LARGE1: variants seen among roughly 807,000 people sequenced by gnomAD.
LARGE1 encodes the protein LARGE xylosyl- and glucuronyltransferase 1, also known as xylosyl- and glucuronyltransferase LARGE1.
Under a neutral mutation model 87.6 loss-of-function variants are expected in LARGE1, and 43 were observed. The ratio of observed to expected loss-of-function variants is 0.49; its 90% CI spans 0.38 to 0.63. LARGE1 has a LOEUF of 0.63. LARGE1 is among the 30% of genes least tolerant of loss of function. The probability of loss-of-function intolerance (pLI) is 0.00; values close to 1 mark genes in which losing one functional copy is unlikely to be tolerated. For missense variants in LARGE1, 802 were observed against 1,000.2 expected, an observed-to-expected ratio of 0.80 and a Z score of 2.67; for synonymous variants, 434 against 394.6, an observed-to-expected ratio of 1.10 and a Z score of -1.18.
At chr22:33,857,831 T>C (rs143596932) in intron 1 of LARGE1, among the ~76,000 whole-genome samples, 12 of 152,320 alleles carry the variant, frequency 7.9e-5, no homozygotes, top group Non-Finnish European at 1.2e-4. Context: ...GAAGACAGTG[T>C]GGCGATTCCT....
At chr22:33,400,090 G>C (rs2065885573) in intron 7 of LARGE1, among the ~76,000 whole-genome samples, 1 of 152,196 alleles carries the variant, frequency 6.6e-6, no homozygotes. Flanking sequence ...AAGTCCCTTA[G>C]AGGTCCTGCT....
chr22:33,112,927 G>T, the LARGE1 span, among the ~76,000 whole-genome samples: 1 of 152,122 alleles, frequency 6.6e-6, no homozygotes, highest in African/African-American at 2.4e-5. Context: ...TGTCAGGAGG[G>T]CAGGTGTTAA....
chr22:33,733,272 C>T (rs1298736919), intron 2 of LARGE1: 1 of 152,194 alleles, frequency 6.6e-6, no homozygotes, highest in Non-Finnish European at 1.5e-5. Flanking sequence ...TAATTTAATT[C>T]CTGGTCCTGG....
intron 1 of LARGE1, among the ~76,000 whole-genome samples, chr22:33,846,883 C>T (rs2063448615): frequency 1.3e-5 from 2 of 152,128 alleles, no homozygotes. Flanking sequence ...GACAATGGTG[C>T]CCGAAACTTC....
intron 4 of LARGE1, among the ~76,000 whole-genome samples, chr22:33,606,705 A>T (rs1277956303): frequency 6.6e-6 from 1 of 152,246 alleles, no homozygotes; most frequent in South Asian, 2.1e-4. Context: ...TCAGGGGATG[A>T]GCTGGATGCT....
intron 11 of LARGE1, among the ~76,000 whole-genome samples, chr22:33,206,998 A>G (rs16991966): frequency 0.22 from 33,518 of 152,076 alleles, 4,094 homozygotes; most frequent in Middle Eastern, 0.34. Flanking sequence ...CTTGCATACT[A>G]GGAAGCAGGC....
At chr22:33,100,828 G>A in the LARGE1 span, among the ~76,000 whole-genome samples, 40 of 150,634 alleles carry the variant, frequency 2.7e-4, no homozygotes, top group African/African-American at 9.8e-4. Flanking sequence ...GGGAGCTTCT[G>A]CATTAACTTC....
At chr22:33,466,826 G>A (rs2068638353) in intron 6 of LARGE1, among the ~76,000 whole-genome samples, 1 of 151,996 alleles carries the variant, frequency 6.6e-6, no homozygotes. Flanking sequence ...ATCCCCCAAG[G>A]TCAGGAGTTC....
chr22:33,519,235 C>CGCGCGCGTGT (rs112192440), intron 6 of LARGE1, among the ~76,000 whole-genome samples: 167 of 149,644 alleles, frequency 1.1e-3, no homozygotes, highest in African/African-American at 4.0e-3. Context: ...CGTGCGCGCG[C>CGCGCGCGTGT]GTGTGTGTGT....
chr22:33,356,095 T>C (rs909841632), intron 9 of LARGE1, among the ~76,000 whole-genome samples: 33 of 152,188 alleles, frequency 2.2e-4, no homozygotes, highest in Non-Finnish European at 7.3e-5. Context: ...TGTTTGGACA[T>C]ACACTCTGGA....
intron 11 of LARGE1, among the ~76,000 whole-genome samples, chr22:33,315,693 G>A (rs1189955704): frequency 2.0e-5 from 3 of 151,868 alleles, no homozygotes; most frequent in Non-Finnish European, 2.9e-5. Context: ...GCAGTGTCAC[G>A]ATCTTGGCTC....
At chr22:33,250,215 T>C (rs190384293) in intron 11 of LARGE1, among the ~76,000 whole-genome samples, 72 of 152,336 alleles carry the variant, frequency 4.7e-4, no homozygotes, top group African/African-American at 1.7e-3. Flanking sequence ...CATTATAGTT[T>C]CCCTTATATA....
the LARGE1 span, among the ~76,000 whole-genome samples, chr22:33,072,995 C>T: frequency 4.6e-5 from 7 of 152,126 alleles, no homozygotes; most frequent in African/African-American, 1.2e-4. Flanking sequence ...GTTTTTCCTG[C>T]GGCCGTCTCG....
chr22:33,674,006 G>A (rs9621752), intron 2 of LARGE1, among the ~76,000 whole-genome samples: 77,255 of 150,086 alleles, frequency 0.51, 20,504 homozygotes, highest in African/African-American at 0.62. Context: ...ATGGGGTTTT[G>A]CCATGTTGGC....
At chr22:33,848,897 C>T (rs183782603) in intron 1 of LARGE1, among the ~76,000 whole-genome samples, 1 of 152,060 alleles carries the variant, frequency 6.6e-6, no homozygotes, top group African/African-American at 2.4e-5. Flanking sequence ...TTTAAAGAAT[C>T]GAAAAGGCTA....
intron 1 of LARGE1, among the ~76,000 whole-genome samples, chr22:33,848,273 G>A (rs931568223): frequency 1.3e-5 from 2 of 152,198 alleles, no homozygotes; most frequent in African/African-American, 4.8e-5. Flanking sequence ...CTCAGCCACT[G>A]CAACAGTCTT....
chr22:33,097,793 G>C, the LARGE1 span, among the ~76,000 whole-genome samples: 15 of 152,278 alleles, frequency 9.9e-5, no homozygotes, highest in African/African-American at 3.4e-4. Context: ...AAAATAACGG[G>C]TATAATATCA....
chr22:33,449,391 G>C (rs1055493753), intron 6 of LARGE1, among the ~76,000 whole-genome samples: 4 of 152,210 alleles, frequency 2.6e-5, no homozygotes, highest in African/African-American at 9.6e-5. Context: ...CCCAGGGTAA[G>C]AGCAGAAGTC....
intron 11 of LARGE1, among the ~76,000 whole-genome samples, chr22:33,217,689 T>A (rs2146249248): frequency 6.6e-6 from 1 of 152,292 alleles, no homozygotes. Context: ...TGCAGGAGTA[T>A]ACAGAGGACT....
Sources: allele counts gnomAD v4.1 joint callset (sites outside exome capture counted in the v4.1 genomes callset), GRCh38; gene constraint gnomAD v4.1.1; transcripts MANE v1.5; gene names NCBI Gene and HGNC (gene_info 2026-07-23, HGNC 2026-07-21).